Variants in CAPN12 observed in about 807,000 individuals in gnomAD.
CAPN12 encodes the protein calpain 12.
A neutral mutation model predicts 95.0 loss-of-function variants in CAPN12; 107 were observed. The ratio of observed to expected loss-of-function variants is 1.13; its 90% CI spans 0.96 to 1.32. The LOEUF (loss-of-function observed/expected upper bound fraction) is 1.32. Among genes scored for constraint, CAPN12 ranks in the 40% most tolerant of loss-of-function variants. The pLI, the probability that CAPN12 is intolerant of heterozygous loss-of-function variation, is 0.00. For synonymous variants in CAPN12, 505 were observed against 415.5 expected (o/e 1.22, Z -2.62); for missense variants, 1,136 against 997.8 (o/e 1.14, Z -1.87).
chr19:38,740,020 G>A (rs1343828083), intron 5 of CAPN12, 31 bp downstream of exon 5: 2 of 1,522,612 alleles, frequency 1.3e-6, no homozygotes, highest in East Asian at 4.7e-5. Flanking sequence ...GGTCCTGGTG[G>A]GGGTTCCGCA....
At chr19:38,736,716 G>A in intron 10 of CAPN12, 153 bp from the exon 11 acceptor site, 1 of 958,558 alleles carries the variant, frequency 1.0e-6, no homozygotes, top group African/African-American at 1.7e-5. Context: ...CCCCGACCCA[G>A]GCCCTCGCCG....
rs758208199 is a variant in CAPN12, at chr19:38,737,645, G to A, written c.966-7C>T. ...GAAGTCCCGCAGCTCCATCCTGCAC[G>A]GTGGCCCAGTCAGACCCTGCCCGGC... On this transcript the variant is annotated splice_polypyrimidine_tract_variant and splice_region_variant and intron_variant, in intron 8 of 20. Coordinates refer to ENST00000328867, the MANE Select transcript of CAPN12 (RefSeq NM_144691.4). The A allele has an allele frequency of 3.2e-6, 5 of 1,579,822 alleles. No individual in the cohort carries two copies. The highest frequency in any genetic ancestry group is 1.3e-5 in the African/African-American group (1 of 74,366).
At chr19:38,736,659 C>T (rs1013416904) in intron 10 of CAPN12, 96 bp from the exon 11 acceptor site, 1 of 1,400,538 alleles carries the variant, frequency 7.1e-7, no homozygotes, top group African/African-American at 1.4e-5. Context: ...TGCTCTCTCC[C>T]TCCTTCTTCG....
rs1030296246 is a variant in CAPN12, at chr19:38,736,175, G to A, written c.1518C>T (p.Thr506=). 9.3e-6 allele frequency: 14 copies of A among 1,513,018 alleles called. No homozygotes were observed. The highest frequency in any genetic ancestry group is 2.1e-5 in the Admixed American group (1 of 48,460). The allele number at this position is 1,513,018 out of a possible 1,614,324, so 93.7% of individuals were successfully genotyped here. Residue 506 remains threonine, a synonymous_variant, in exon 12 of 21, where the codon ACC becomes ACT. Transcript: ENST00000328867. The part of the protein sequence containing the change: ...RPGHYLVVPS[T]AHAGDEADFT... ...AGTCAGCCTCGTCGCCGGCGTGGGC[G>A]GTGCTCGGCACCACCAGGTAGTGGC...
Position 38,738,687 on chromosome 19 carries a change from C to G in CAPN12, c.730-39G>C, listed in dbSNP as rs761340213. 27 of 1,601,144 alleles carry G rather than the reference C, an allele frequency of 1.7e-5. No individual in the cohort carries two copies. In the East Asian group the frequency reaches 4.0e-4, roughly 24 times the overall value. On this transcript the variant is annotated intron_variant, in intron 5 of 20. Transcript: ENST00000328867. ...GGGATGGTGAGGCCAAGGTAGGGGA[C>G]AGGAGGGCAGCTGCTCCTCCCTGCC...
chr19:38,737,623 G>A lies in CAPN12; in HGVS notation c.981C>T (p.Asp327=). Residue 327 remains aspartate (D), a synonymous_variant, in exon 9 of 21, where the codon GAC becomes GAT. Transcript: ENST00000328867. ...GCACGGTGTCGAAATGGAGGAGGAA[G>A]TCCCGCAGCTCCATCCTGCACGGTG... is the stretch of plus-strand genomic sequence containing the variant. The part of the protein sequence containing the change: ...EDGEFWMELR[D]FLLHFDTVQI... The A allele has an allele frequency of 6.2e-7, 1 of 1,604,776 alleles. No individual in the cohort carries two copies. The highest frequency in any genetic ancestry group is 8.5e-7 in the Non-Finnish European group (1 of 1,175,426).
chr19:38,731,007 G>T lies in CAPN12; in HGVS notation c.2091C>A (p.His697Gln). Residue 697 changes from histidine (H) to glutamine (Q), a missense_variant, in exon 20 of 21, where the codon CAC becomes CAA. Physicochemically the swap from His to Gln is conservative, Grantham distance 24. Coordinates refer to ENST00000328867, the MANE Select transcript of CAPN12 (RefSeq NM_144691.4). ...LTCIFCHCSQ[H>Q]LDGGEGVICL... is the part of the protein sequence containing the mutation. ...AGATGACCCCCTCACCCCCATCCAG[G>T]TGCTGGCTGCAGTGGCCTGTGCAGA... 1 of 1,552,654 alleles carries T rather than the reference G, an allele frequency of 6.4e-7. No individual in the cohort carries two copies. The highest frequency in any genetic ancestry group is 8.7e-7 in the Non-Finnish European group (1 of 1,148,226).
At chr19:38,743,841 C>G (rs1031071572) in intron 1 of CAPN12, 88 bp downstream of exon 1, 1 of 1,330,094 alleles carries the variant, frequency 7.5e-7, no homozygotes. Flanking sequence ...AGTCCAGGCC[C>G]CCAGCCTTCC....
chr19:38,743,022 C>G lies in CAPN12; in HGVS notation c.307+11G>C, dbSNP rs1487437700. On this transcript the variant is annotated intron_variant, in intron 2 of 20. Transcript: ENST00000328867. ...TGGATCTGAGGACTCCAGGTGGGTT[C>G]AGGGTCTCACCCAGGCTCCCCTGAC... 2.5e-6 allele frequency: 4 copies of G among 1,613,884 alleles called. No homozygotes were observed. Among genetic ancestry groups the G allele is most frequent in the Non-Finnish European group, 3.4e-6 (4 of 1,179,902 alleles).
chr19:38,736,557 C>G lies in CAPN12; in HGVS notation c.1369G>C (p.Glu457Gln). ...TVGFHVFQIP[E>Q]ELLGLWDSPR... is the part of the protein sequence containing the mutation. ...TGACCCCATCCCAGACTCACCTCCT[C>G]TGGAATCTGAAAGAAGCAAGAGCAA... The change falls in exon 11 of 21, where the codon GAG becomes CAG. Residue 457 changes from glutamate (E) to glutamine (Q), a missense_variant. Physicochemically the swap from Glu to Gln is conservative, Grantham distance 29. Transcript: ENST00000328867. The G allele has an allele frequency of 6.3e-7, 1 of 1,577,710 alleles. No individual in the cohort carries two copies. Among genetic ancestry groups the G allele is most frequent in the Non-Finnish European group, 8.6e-7 (1 of 1,162,434 alleles).
intron 14 of CAPN12, 165 bp from the exon 15 acceptor site, chr19:38,735,035 C>T (rs1035530008): frequency 4.4e-5 from 29 of 661,914 alleles, no homozygotes; most frequent in Non-Finnish European, 7.4e-5. Flanking sequence ...ACGGGGGAAG[C>T]ACTGGGCTGT....
At position 38,734,368 on chromosome 19, in the gene CAPN12, G is replaced by A. The variant is rs777835192; in HGVS notation, c.1766C>T (p.Pro589Leu). ...LEPARAHTST[P>L]REIGLRTCEQ... ...ACAGGTCCTGAGCCCGATCTCTCTGGGGGTGGAGGTATGGGCCCTGGCTAC... is the reference window on the plus strand; with the variant it reads ...ACAGGTCCTGAGCCCGATCTCTCTGAGGGTGGAGGTATGGGCCCTGGCTAC... The change falls in exon 16 of 21, where the codon CCC becomes CTC. Residue 589 changes from proline to leucine, a missense_variant. Transcript: ENST00000328867. 5.2e-5 allele frequency: 84 copies of A among 1,604,934 alleles called. No homozygotes were observed. The East Asian group carries it at 1.7e-3, about 33-fold the overall frequency.
intron 14 of CAPN12, 81 bp from the exon 15 acceptor site, chr19:38,734,951 G>T (rs925421827): frequency 1.5e-6 from 2 of 1,377,128 alleles, no homozygotes; most frequent in Non-Finnish European, 2.0e-6. Context: ...GACACGGCAG[G>T]GGCTGACAGA....
At chr19:38,734,055 T>TGGGGACCTGATAGCCCACA in intron 17 of CAPN12, 87 bp downstream of exon 17, 2 of 1,458,138 alleles carry the variant, frequency 1.4e-6, no homozygotes, top group Non-Finnish European at 1.9e-6. Context: ...CCTCGTTCCC[T>TGGGGACCTGATAGCCCACA]GGGGACCTGA....
At chr19:38,736,385 C>G in intron 11 of CAPN12, 67 bp from the exon 12 acceptor site, 2 of 1,484,700 alleles carry the variant, frequency 1.3e-6, no homozygotes, top group Non-Finnish European at 1.8e-6. Flanking sequence ...CACCCTCCAG[C>G]GCGCCCCGTC....
chr19:38,737,123 T>TC, intron 10 of CAPN12, 33 bp downstream of exon 10: 4 of 1,476,130 alleles, frequency 2.7e-6, no homozygotes, highest in Non-Finnish European at 3.7e-6. Context: ...CCCTCCGGGT[T>TC]CCCTCCAGCC....
chr19:38,743,736 GC>G (rs1362788378), intron 1 of CAPN12, among the ~76,000 whole-genome samples, 192 bp downstream of exon 1: 7 of 89,912 alleles, frequency 7.8e-5, no homozygotes, highest in East Asian at 4.5e-4. Context: ...TCCAGGCCCA[GC>G]CCTTCCTCCC....
At position 38,730,642 on chromosome 19, in the gene CAPN12, C is replaced by T; in HGVS notation, c.*210G>A. The T allele has an allele frequency of 1.6e-6, 1 of 629,452 alleles. No homozygotes were observed. The highest frequency in any genetic ancestry group is 2.7e-5 in the East Asian group (1 of 36,554). The allele number at this position is 629,452 out of a possible 1,614,324, so 39.0% of individuals were successfully genotyped here. On this transcript the variant is annotated 3_prime_UTR_variant, in exon 21 of 21. Transcript: ENST00000328867. ...GCTGTCAACGTGGACTAGCTCGTGT[C>T]ATCTGCTCGAGAAGGGCTGTCGCTG...
At chr19:38,733,871 C>T (rs1969816031) in intron 17 of CAPN12, 90 bp from the exon 18 acceptor site, 2 of 1,111,184 alleles carry the variant, frequency 1.8e-6, no homozygotes, top group African/African-American at 3.1e-5. Context: ...TGGTGCCCAT[C>T]CCAACTCCCT....
Sources: gnomAD v4.1 joint callset for allele counts (sites outside exome capture counted in the v4.1 genomes callset) on GRCh38, gnomAD v4.1.1 for gene constraint, MANE v1.5 for transcripts, NCBI Gene and HGNC (gene_info 2026-07-23, HGNC 2026-07-21) for gene names.